NPSR1: variants seen among roughly 807,000 people sequenced by gnomAD.
NPSR1 encodes the protein neuropeptide S receptor.
Under a neutral mutation model 46.9 loss-of-function variants are expected in NPSR1, and 48 were observed. The ratio of observed to expected loss-of-function variants is 1.02; its 90% CI spans 0.81 to 1.30. The LOEUF is 1.30. Among genes scored for constraint, NPSR1 ranks in the 50% most tolerant of loss-of-function variants. The pLI, the probability that NPSR1 is intolerant of heterozygous loss-of-function variation, is 0.00. For synonymous variants in NPSR1, 176 were observed against 168.1 expected (o/e 1.05, Z -0.36); for missense variants, 450 against 449.5 (o/e 1.00, Z -0.01).
chr7:34,659,330 C>T (rs1341531041), intron 1 of NPSR1, among the ~76,000 whole-genome samples: 2 of 152,188 alleles, frequency 1.3e-5, no homozygotes, highest in South Asian at 2.1e-4. Flanking sequence ...ACCTGTCTAA[C>T]GATATGTTTA....
chr7:34,738,907 AC>A (rs1055942537), intron 2 of NPSR1, among the ~76,000 whole-genome samples: 9 of 151,498 alleles, frequency 5.9e-5, no homozygotes, highest in Non-Finnish European at 1.0e-4. Context: ...ACTTCCCCAC[AC>A]CCCCCATCCA....
chr7:34,681,004 A>T (rs1368005792), intron 1 of NPSR1, among the ~76,000 whole-genome samples: 1 of 151,742 alleles, frequency 6.6e-6, no homozygotes, highest in Non-Finnish European at 1.5e-5. Context: ...ATTACTAAGT[A>T]ATGTGTATGT....
At chr7:34,734,526 T>A (rs1441279026) in intron 2 of NPSR1, among the ~76,000 whole-genome samples, 1 of 152,072 alleles carries the variant, frequency 6.6e-6, no homozygotes, top group Admixed American at 6.5e-5. Context: ...GTTCCTCAAA[T>A]CTAACCTGCC....
chr7:34,827,614 T>C lies in NPSR1; in HGVS notation c.680+12T>C, dbSNP rs765165881. On this transcript the variant is annotated intron_variant, in intron 5 of 8. Coordinates refer to ENST00000360581, the MANE Select transcript of NPSR1 (RefSeq NM_207172.2). ...CTGACAATCATCAGGTAAGAAGCCG[T>C]CAGGACAGGACCACACGGGGGGGTG... 130 of 835,364 alleles carry C rather than the reference T, an allele frequency of 1.6e-4. No individual in the cohort carries two copies. The highest frequency in any genetic ancestry group is 1.2e-4 in the Non-Finnish European group (68 of 551,874). 51.7% of individuals were successfully genotyped at this position (835,364 alleles called of 1,614,324 possible).
At position 34,705,026 on chromosome 7, in the gene NPSR1, C is replaced by A. The variant is rs528496769; in HGVS notation, c.280+20342C>A. ...TCTCAATGCATTATTTGTACTTATTCTTTTGAATTTGCCTTTACTAATTAT... is the reference window on the plus strand; with the variant it reads ...TCTCAATGCATTATTTGTACTTATTATTTTGAATTTGCCTTTACTAATTAT... On this transcript the variant is annotated intron_variant, in intron 2 of 8. Coordinates refer to ENST00000360581, the MANE Select transcript of NPSR1 (RefSeq NM_207172.2). 4.6e-5 allele frequency among the ~76,000 whole-genome samples: 7 copies of A among 152,214 alleles called. No homozygotes were observed. The East Asian group carries it at 1.3e-3, about 29-fold the overall frequency.
intron 2 of NPSR1, among the ~76,000 whole-genome samples, chr7:34,708,544 T>A (rs147181420): frequency 1.3e-5 from 2 of 152,182 alleles, no homozygotes; most frequent in Admixed American, 1.3e-4. Flanking sequence ...GTGCAAATGC[T>A]ATGAGGGAAA....
intron 3 of NPSR1, among the ~76,000 whole-genome samples, chr7:34,795,642 AC>A (rs1004283382): frequency 2.0e-5 from 3 of 152,186 alleles, no homozygotes; most frequent in African/African-American, 7.2e-5. Flanking sequence ...ATATTAAAAA[AC>A]AATATTATCT....
chr7:34,783,383 A>C (rs1363263507), intron 3 of NPSR1, among the ~76,000 whole-genome samples: 2 of 152,082 alleles, frequency 1.3e-5, no homozygotes, highest in East Asian at 1.9e-4. Context: ...AAACCATCAG[A>C]TCTCATGAGA....
intron 2 of NPSR1, among the ~76,000 whole-genome samples, chr7:34,729,795 CAG>C (rs1190444847): frequency 6.6e-6 from 1 of 152,158 alleles, no homozygotes; most frequent in Non-Finnish European, 1.5e-5. Context: ...GTTTTGGGGA[CAG>C]AGTCTTGCTC....
chr7:34,825,535 G>A (rs188817101), intron 4 of NPSR1, among the ~76,000 whole-genome samples: 9 of 152,320 alleles, frequency 5.9e-5, no homozygotes, highest in African/African-American at 2.2e-4. Flanking sequence ...CCTGCATCAT[G>A]AAGTTTGCCT....
At chr7:34,754,408 T>A (rs1372110124) in intron 2 of NPSR1, among the ~76,000 whole-genome samples, 1 of 152,060 alleles carries the variant, frequency 6.6e-6, no homozygotes, top group Admixed American at 6.6e-5. Flanking sequence ...TTTATTGAAG[T>A]ATGAAGTTCA....
intron 6 of NPSR1, among the ~76,000 whole-genome samples, chr7:34,842,813 G>GCGGC (rs1041227098): frequency 3.3e-4 from 51 of 152,342 alleles, no homozygotes; most frequent in Non-Finnish European, 2.8e-4. Flanking sequence ...TCAATGGCCT[G>GCGGC]CGGCCGCCTC....
chr7:34,829,832 A>T (rs1321127454), intron 5 of NPSR1, among the ~76,000 whole-genome samples: 1 of 152,242 alleles, frequency 6.6e-6, no homozygotes, highest in Non-Finnish European at 1.5e-5. Context: ...GGTTTCCCTC[A>T]GCTCTCACCA....
chr7:34,700,204 G>A (rs887855378), intron 2 of NPSR1, among the ~76,000 whole-genome samples: 2 of 152,234 alleles, frequency 1.3e-5, no homozygotes, highest in East Asian at 3.9e-4. Context: ...TGTAACGAGA[G>A]CACCAGAACA....
chr7:34,720,388 G>T (rs1490763048), intron 2 of NPSR1, among the ~76,000 whole-genome samples: 2 of 152,086 alleles, frequency 1.3e-5, no homozygotes, highest in Non-Finnish European at 2.9e-5. Context: ...CTACTAGGCT[G>T]TGAGGCAAGC....
intron 3 of NPSR1, among the ~76,000 whole-genome samples, chr7:34,798,037 C>T (rs1478340299): frequency 6.6e-6 from 1 of 151,904 alleles, no homozygotes; most frequent in Non-Finnish European, 1.5e-5. Context: ...AGAAGTTCTT[C>T]AGATAAAGGG....
intron 4 of NPSR1, among the ~76,000 whole-genome samples, chr7:34,813,865 T>A (rs17789480): frequency 0.12 from 18,674 of 152,254 alleles, 1,439 homozygotes; most frequent in Non-Finnish European, 0.17. Context: ...ATCATGCTTG[T>A]TATGCCTACT....
In NPSR1 at chr7:34,684,560, A is replaced by G. The variant is rs759466640; in HGVS notation, c.156A>G (p.Gln52=). ...TTCTCTGTTTCTTGCAGACTGAGCA[A>G]TTGATAACTCTGTGGGTCCTCTTTG... ...GSFYYSFKTE[Q]LITLWVLFVF... The change falls in exon 2 of 9, where the codon CAA becomes CAG. Residue 52 remains glutamine, a synonymous_variant. Transcript: ENST00000360581. 4 of 1,613,522 alleles carry G rather than the reference A, an allele frequency of 2.5e-6. No homozygotes were observed. In the East Asian group the frequency reaches 6.7e-5, roughly 27 times the overall value.
Position 34,660,896 on chromosome 7 carries a change from G to A in NPSR1, c.147+2337G>A, listed in dbSNP as rs570279844. 8.5e-5 allele frequency among the ~76,000 whole-genome samples: 13 copies of A among 152,156 alleles called. No homozygotes were observed. In the South Asian group the frequency reaches 2.3e-3, roughly 27 times the overall value. ...CTCCCTGAGCTTCATTAGTGTCACGGACTGTACCTCTCTTCTTGCCACTTA... is the reference window on the plus strand; with the variant it reads ...CTCCCTGAGCTTCATTAGTGTCACGAACTGTACCTCTCTTCTTGCCACTTA... On this transcript the variant is annotated intron_variant, in intron 1 of 8. Transcript: ENST00000360581.
Sources: allele counts gnomAD v4.1 joint callset (sites outside exome capture counted in the v4.1 genomes callset), GRCh38; gene constraint gnomAD v4.1.1; transcripts MANE v1.5; gene names NCBI Gene and HGNC (gene_info 2026-07-23, HGNC 2026-07-21).